The following SPCS3 variants were observed in gnomAD, a reference collection of about 807,000 sequenced individuals.
SPCS3 encodes SPase 22 kDa subunit.
SPCS3 carries 9 observed loss-of-function variants against 17.2 expected under a neutral mutation model. The ratio of observed to expected loss-of-function variants is 0.52; its 90% CI spans 0.31 to 0.91. SPCS3 has a LOEUF of 0.91. Among genes scored for constraint, SPCS3 ranks in the 40% least tolerant of loss-of-function variants. SPCS3 has a pLI of 0.04. For missense variants in SPCS3, 139 were observed against 217.5 expected (o/e 0.64, Z 2.27); for synonymous variants, 87 against 89.6 (o/e 0.97, Z 0.16).
chr4:176,326,545 TTGA>T (rs1216039087), intron 3 of SPCS3, among the ~76,000 whole-genome samples: 1 of 152,202 alleles, frequency 6.6e-6, no homozygotes, highest in Non-Finnish European at 1.5e-5. Context: ...GAATTTTGCC[TTGA>T]TGAGACAACA....
In SPCS3 at chr4:176,329,663, C is replaced by T. The variant is rs1213636711; in HGVS notation, c.*1333C>T. 1.3e-5 allele frequency: 2 copies of T among 151,920 alleles called. No individual in the cohort carries two copies. Among genetic ancestry groups the T allele is most frequent in the African/African-American group, 4.8e-5 (2 of 41,372 alleles). 9.4% of individuals were successfully genotyped at this position (151,920 alleles called of 1,614,324 possible). ...TAACTTAGAAATTCAGTACATAATA[C>T]ATGATTGAATACATGATCGTATTTA... On this transcript the variant is annotated 3_prime_UTR_variant, in exon 5 of 5. Coordinates refer to ENST00000503362, the MANE Select transcript of SPCS3 (RefSeq NM_021928.4).
Position 176,324,168 on chromosome 4 carries a change from T to C in SPCS3, c.218-13T>C. On this transcript the variant is annotated splice_polypyrimidine_tract_variant and intron_variant, in intron 2 of 4. Coordinates refer to ENST00000503362, the MANE Select transcript of SPCS3 (RefSeq NM_021928.4). ...TACTGCTCATAAATTTATATTTTCC[T>C]TAATTTACTTACATCTAGAGAATAT... The C allele has an allele frequency of 9.0e-7, 1 of 1,106,938 alleles. No homozygotes were observed. Among genetic ancestry groups the C allele is most frequent in the South Asian group, 1.6e-5 (1 of 62,040 alleles). The allele number at this position is 1,106,938 out of a possible 1,614,324, so 68.6% of individuals were successfully genotyped here.
At chr4:176,324,145 C>T in intron 2 of SPCS3, 36 bp from the exon 3 acceptor site, 2 of 989,930 alleles carry the variant, frequency 2.0e-6, no homozygotes, top group South Asian at 1.7e-5. Flanking sequence ...AAGTGATATA[C>T]TGCTCATAAA....
In SPCS3 at chr4:176,332,126, C is replaced by G. The variant is rs1731700169; in HGVS notation, c.*3796C>G. On this transcript the variant is annotated 3_prime_UTR_variant, in exon 5 of 5. Coordinates refer to ENST00000503362, the MANE Select transcript of SPCS3 (RefSeq NM_021928.4). ...TATCTTCTCCAGAGACTGTATGCTC[C>G]TATACTAGACTGTAAGCTCTTTGAG... The G allele has an allele frequency of 6.6e-6, 1 of 152,218 alleles. No individual in the cohort carries two copies. The highest frequency in any genetic ancestry group is 6.5e-5 in the Admixed American group (1 of 15,282). The allele number at this position is 152,218 out of a possible 1,614,324, so 9.4% of individuals were successfully genotyped here.
At position 176,322,151 on chromosome 4, in the gene SPCS3, C is replaced by A; in HGVS notation, c.144-19C>A. 3.2e-6 allele frequency: 5 copies of A among 1,541,052 alleles called. No homozygotes were observed. The highest frequency in any genetic ancestry group is 4.5e-6 in the Non-Finnish European group (5 of 1,115,872). ...ATGTTCTGTTGGAAGGATGGTAAAA[C>A]TTTTATCTTTATTCCTAGAAAAAAT... On this transcript the variant is annotated intron_variant, in intron 1 of 4. Transcript: ENST00000503362.
rs1001073879 is a variant in SPCS3, at chr4:176,330,340, T to C, written c.*2010T>C. ...ATCAGGTGTGTCCTCTTTAAAGGCA[T>C]GTGCGATAAGCCTGCAGTCTTAACC... On this transcript the variant is annotated 3_prime_UTR_variant, in exon 5 of 5. Coordinates refer to ENST00000503362, the MANE Select transcript of SPCS3 (RefSeq NM_021928.4). The C allele has an allele frequency of 9.9e-5, 15 of 152,222 alleles. No individual in the cohort carries two copies. The highest frequency in any genetic ancestry group is 3.6e-4 in the African/African-American group (15 of 41,462). 9.4% of individuals were successfully genotyped at this position (152,222 alleles called of 1,614,324 possible).
At position 176,331,041 on chromosome 4, in the gene SPCS3, T is replaced by C. The variant is rs1731678921; in HGVS notation, c.*2711T>C. ...AAAGTGGGTTTTGAGTTTCCTTTCC[T>C]GGAATTATTTTACAGTTCTTTGGTG... is the stretch of plus-strand genomic sequence containing the variant. On this transcript the variant is annotated 3_prime_UTR_variant, in exon 5 of 5. Transcript: ENST00000503362. 6.6e-6 allele frequency: 1 copy of C among 152,172 alleles called. No homozygotes were observed. The highest frequency in any genetic ancestry group is 2.1e-4 in the South Asian group (1 of 4,832). 9.4% of individuals were successfully genotyped at this position (152,172 alleles called of 1,614,324 possible). A position where few individuals can be genotyped will look rare whatever the true frequency, so the allele number is the denominator to read the frequency against.
chr4:176,322,088 C>T, intron 1 of SPCS3, 82 bp from the exon 2 acceptor site: 1 of 869,942 alleles, frequency 1.1e-6, no homozygotes, highest in Non-Finnish European at 1.9e-6. Flanking sequence ...ATGCACACAC[C>T]TGTATTCTTT....
intron 1 of SPCS3, 61 bp from the exon 2 acceptor site, chr4:176,322,109 A>C: frequency 9.1e-7 from 1 of 1,099,764 alleles, no homozygotes; most frequent in Non-Finnish European, 1.4e-6. Context: ...CTCTTTAAGA[A>C]GTTACGTGAA....
At chr4:176,326,326 C>T (rs1477742126) in intron 3 of SPCS3, among the ~76,000 whole-genome samples, 2 of 152,070 alleles carry the variant, frequency 1.3e-5, no homozygotes, top group Non-Finnish European at 2.9e-5. Flanking sequence ...GAAATAACTG[C>T]TCTACATTTC....
Position 176,330,570 on chromosome 4 carries a change from T to C in SPCS3, c.*2240T>C, listed in dbSNP as rs1188528508. The stretch of plus-strand genomic sequence containing the variant: ...TGTTTGCTTGACTAAGGGAAATTGC[T>C]CAGAAAAAGAATGCTCCAACATGGG... On this transcript the variant is annotated 3_prime_UTR_variant, in exon 5 of 5. Coordinates refer to ENST00000503362, the MANE Select transcript of SPCS3 (RefSeq NM_021928.4). 6.6e-6 allele frequency: 1 copy of C among 152,206 alleles called. No homozygotes were observed. The highest frequency in any genetic ancestry group is 1.5e-5 in the Non-Finnish European group (1 of 68,028). The allele number at this position is 152,206 out of a possible 1,614,324, so 9.4% of individuals were successfully genotyped here.
chr4:176,325,052 C>CTTT (rs55912158), intron 3 of SPCS3, among the ~76,000 whole-genome samples: 10 of 123,866 alleles, frequency 8.1e-5, no homozygotes, highest in Non-Finnish European at 8.6e-5. Flanking sequence ...TTTTTTTTTA[C>CTTT]TTTTTTTTTT....
chr4:176,319,973 G>A lies in SPCS3; in HGVS notation c.-104G>A. On this transcript the variant is annotated 5_prime_UTR_variant, in exon 1 of 5. Transcript: ENST00000503362. ...GGGGCTGCGGCGGCGCGCGCTCCCG[G>A]AACGCGCGCACCGCAGACGGCGCGG... 1 of 1,334,688 alleles carries A rather than the reference G, an allele frequency of 7.5e-7. No individual in the cohort carries two copies. The highest frequency in any genetic ancestry group is 9.7e-7 in the Non-Finnish European group (1 of 1,029,788). 82.7% of individuals were successfully genotyped at this position (1,334,688 alleles called of 1,614,324 possible).
Position 176,328,436 on chromosome 4 carries a change from GTTTTTTT to G in SPCS3, c.*119_*125del, listed in dbSNP as rs55821823. 0.18 allele frequency: 84,078 copies of G among 474,456 alleles called. 4,338 individuals carry two copies. The highest frequency in any genetic ancestry group is 0.3 in the East Asian group (5,858 of 19,292). 29.4% of individuals were successfully genotyped at this position (474,456 alleles called of 1,614,324 possible). A position where few individuals can be genotyped will look rare whatever the true frequency, so the allele number is the denominator to read the frequency against. On this transcript the variant is annotated 3_prime_UTR_variant, in exon 5 of 5. Transcript: ENST00000503362. Reference sequence around the variant, plus strand: ...TTGTTGGTTTGTTTTTTGGTTTTGGGTTTTTTTTTTTTTTTTTTTGGTATAAGAACTA... The same window carrying G: ...TTGTTGGTTTGTTTTTTGGTTTTGGGTTTTTTTTTTTTGGTATAAGAACTA...
intron 3 of SPCS3, 193 bp from the exon 4 acceptor site, chr4:176,326,966 ATTC>A: frequency 2.4e-6 from 1 of 410,424 alleles, no homozygotes; most frequent in Non-Finnish European, 4.4e-6. Context: ...GGGAATTGTC[ATTC>A]TTCTCTCTGA....
chr4:176,322,140 G>A (rs1731546888), intron 1 of SPCS3, 30 bp from the exon 2 acceptor site: 1 of 1,414,536 alleles, frequency 7.1e-7, no homozygotes. Context: ...TCTGTTGGAA[G>A]GATGGTAAAA....
rs536627069 is a variant in SPCS3 at position 176,329,557 on chromosome 4, T to A, written c.*1227T>A. 4 of 152,312 alleles carry A rather than the reference T, an allele frequency of 2.6e-5. No individual in the cohort carries two copies. The East Asian group carries it at 7.7e-4, about 29-fold the overall frequency. The allele number at this position is 152,312 out of a possible 1,614,324, so 9.4% of individuals were successfully genotyped here. A position where few individuals can be genotyped will look rare whatever the true frequency, so the allele number is the denominator to read the frequency against. ...TAATTTTCAAGCTGCCAACAACTTA[T>A]ATCGAGGTAATATTTTATTCTCTGA... is the stretch of plus-strand genomic sequence containing the variant. On this transcript the variant is annotated 3_prime_UTR_variant, in exon 5 of 5. Transcript: ENST00000503362.
At chr4:176,323,104 A>G (rs543046973) in intron 2 of SPCS3, among the ~76,000 whole-genome samples, 1 of 152,218 alleles carries the variant, frequency 6.6e-6, no homozygotes, top group African/African-American at 2.4e-5. Flanking sequence ...AAGTTTTGGT[A>G]ATTATTGGAT....
Position 176,319,967 on chromosome 4 carries a change from C to T in SPCS3, c.-110C>T. The T allele has an allele frequency of 7.6e-7, 1 of 1,317,744 alleles. No homozygotes were observed. The highest frequency in any genetic ancestry group is 9.8e-7 in the Non-Finnish European group (1 of 1,015,994). 81.6% of individuals were successfully genotyped at this position (1,317,744 alleles called of 1,614,324 possible). On this transcript the variant is annotated 5_prime_UTR_variant, in exon 1 of 5. Transcript: ENST00000503362. The stretch of plus-strand genomic sequence containing the variant: ...GGAGGCGGGGCTGCGGCGGCGCGCG[C>T]TCCCGGAACGCGCGCACCGCAGACG...
Sources: gnomAD v4.1 joint callset for allele counts (sites outside exome capture counted in the v4.1 genomes callset) on GRCh38, gnomAD v4.1.1 for gene constraint, MANE v1.5 for transcripts, NCBI Gene and HGNC (gene_info 2026-07-23, HGNC 2026-07-21) for gene names.